MBD5: variants seen among roughly 807,000 people sequenced by gnomAD.
MBD5 encodes the protein methyl-CpG binding domain protein 5, also known as methyl-CpG-binding domain protein 5.
A neutral mutation model predicts 117.3 loss-of-function variants in MBD5; 13 were observed. The observed-to-expected ratio is 0.11, with a 90% confidence interval of 0.07 to 0.18. The LOEUF (loss-of-function observed/expected upper bound fraction) is 0.18, where lower values mean the gene tolerates loss of function less well. Among genes scored for constraint, MBD5 ranks in the 10% least tolerant of loss-of-function variants. The pLI is 1.00. For synonymous variants in MBD5, 727 were observed against 766.4 expected (o/e 0.95, Z 0.85); for missense variants, 1,879 against 2,093.8 (o/e 0.90, Z 2.00).
intron 4 of MBD5, among the ~76,000 whole-genome samples, chr2:148,433,510 T>C (rs956585735): frequency 6.6e-6 from 1 of 152,182 alleles, no homozygotes; most frequent in South Asian, 2.1e-4. Flanking sequence ...TCTTATTACT[T>C]TGAAGTATGT....
intron 3 of MBD5, among the ~76,000 whole-genome samples, chr2:148,292,862 C>A (rs781175838): frequency 2.0e-5 from 3 of 150,924 alleles, no homozygotes; most frequent in Non-Finnish European, 4.4e-5. Context: ...AAATGTGGTA[C>A]CTATACACAA....
At chr2:148,446,757 G>C (rs1706545558) in intron 4 of MBD5, among the ~76,000 whole-genome samples, 1 of 152,010 alleles carries the variant, frequency 6.6e-6, no homozygotes, top group Admixed American at 6.6e-5. Context: ...AAATAAGTTA[G>C]AGTGTTTCAA....
In MBD5 at chr2:148,021,222, G is replaced by A. The variant is rs535954547; in HGVS notation, c.-1387G>A. ...TACCCCACTTCAACCTTGAATTCAG[G>A]GGGGTGGGGGGAAGGCGGCTGAGTT... is the stretch of plus-strand genomic sequence containing the variant. On this transcript the variant is annotated 5_prime_UTR_variant, in exon 1 of 14. Coordinates refer to ENST00000642680, the MANE Select transcript of MBD5 (RefSeq NM_001378120.1). The A allele has an allele frequency of 1.2e-5, 3 of 258,832 alleles. No individual in the cohort carries two copies. In the South Asian group the frequency reaches 1.2e-4, roughly 10 times the overall value. The allele number at this position is 258,832 out of a possible 1,614,324, so 16.0% of individuals were successfully genotyped here.
At chr2:148,353,117 G>A (rs552179232) in intron 4 of MBD5, among the ~76,000 whole-genome samples, 74 of 152,128 alleles carry the variant, frequency 4.9e-4, no homozygotes, top group African/African-American at 1.5e-3. Flanking sequence ...TATTACTTTA[G>A]TAAAAAAGGG....
At chr2:148,075,871 ATATAAT>A (rs1168752929) in intron 1 of MBD5, among the ~76,000 whole-genome samples, 1 of 152,180 alleles carries the variant, frequency 6.6e-6, no homozygotes, top group Admixed American at 6.5e-5. Flanking sequence ...ATGGGCTTAA[ATATAAT>A]TAAAATTCCA....
At chr2:148,214,461 T>C (rs558546584) in intron 2 of MBD5, among the ~76,000 whole-genome samples, 57 of 152,362 alleles carry the variant, frequency 3.7e-4, no homozygotes, top group African/African-American at 1.3e-3. Flanking sequence ...ACTTACTCCA[T>C]GGGCTGAAGT....
chr2:148,355,856 T>C (rs1703368375), intron 4 of MBD5, among the ~76,000 whole-genome samples: 1 of 152,168 alleles, frequency 6.6e-6, no homozygotes, highest in Admixed American at 6.5e-5. Flanking sequence ...ATTTGAATAG[T>C]ATTGAATCTA....
intron 4 of MBD5, among the ~76,000 whole-genome samples, chr2:148,357,639 C>A (rs1342198505): frequency 6.6e-6 from 1 of 151,104 alleles, no homozygotes; most frequent in Non-Finnish European, 1.5e-5. Flanking sequence ...CCTTTTTTTT[C>A]TTGTTCTTTC....
intron 3 of MBD5, among the ~76,000 whole-genome samples, chr2:148,254,673 G>T (rs898313963): frequency 6.6e-6 from 1 of 152,150 alleles, no homozygotes; most frequent in Non-Finnish European, 1.5e-5. Flanking sequence ...TCCTAAGGGG[G>T]CACAAAATCC....
At chr2:148,511,762 G>A (rs772790281) in intron 13 of MBD5, among the ~76,000 whole-genome samples, 22 of 152,248 alleles carry the variant, frequency 1.4e-4, no homozygotes, top group Non-Finnish European at 2.8e-4. Context: ...TAAAAAATGT[G>A]TATGGAGAAG....
intron 3 of MBD5, among the ~76,000 whole-genome samples, chr2:148,328,838 G>C (rs1702550547): frequency 6.6e-6 from 1 of 152,170 alleles, no homozygotes; most frequent in African/African-American, 2.4e-5. Flanking sequence ...GACCGGAGCT[G>C]TTCCTATTCG....
chr2:148,467,829 T>G (rs1020518709), intron 7 of MBD5, among the ~76,000 whole-genome samples: 3 of 152,152 alleles, frequency 2.0e-5, no homozygotes, highest in Admixed American at 2.0e-4. Flanking sequence ...TAACAAACAT[T>G]TTGTTATAAG....
chr2:148,247,927 T>C (rs75661741), intron 3 of MBD5, among the ~76,000 whole-genome samples: 19,289 of 152,124 alleles, frequency 0.13, 1,479 homozygotes, highest in Non-Finnish European at 0.18. Context: ...CAATGTGAAA[T>C]ATAAAAATAG....
intron 8 of MBD5, among the ~76,000 whole-genome samples, chr2:148,476,295 A>G (rs1370975248): frequency 2.6e-5 from 4 of 152,224 alleles, no homozygotes; most frequent in Non-Finnish European, 5.9e-5. Flanking sequence ...AGTATTTTTC[A>G]GCTTTTTAAA....
At chr2:148,151,420 C>G (rs1697662252) in intron 1 of MBD5, among the ~76,000 whole-genome samples, 1 of 152,204 alleles carries the variant, frequency 6.6e-6, no homozygotes, top group Non-Finnish European at 1.5e-5. Context: ...GGTTGTGTCT[C>G]TACCCAGCTT....
intron 3 of MBD5, among the ~76,000 whole-genome samples, chr2:148,297,959 C>A (rs562728188): frequency 4.6e-5 from 7 of 152,322 alleles, no homozygotes; most frequent in African/African-American, 1.4e-4. Context: ...AATCTTGGAA[C>A]TACTAGCCTG....
At chr2:148,293,082 G>T (rs1055356991) in intron 3 of MBD5, among the ~76,000 whole-genome samples, 2 of 150,202 alleles carry the variant, frequency 1.3e-5, no homozygotes, top group Non-Finnish European at 3.0e-5. Flanking sequence ...AGAAGCCAAG[G>T]TCAGGTGGAT....
intron 4 of MBD5, among the ~76,000 whole-genome samples, chr2:148,401,205 G>T (rs994498384): frequency 1.3e-5 from 2 of 152,100 alleles, no homozygotes; most frequent in South Asian, 2.1e-4. Context: ...TGTTCTTGAT[G>T]AAGCCAAGCT....
At chr2:148,319,401 T>C (rs939839981) in intron 3 of MBD5, among the ~76,000 whole-genome samples, 2 of 152,206 alleles carry the variant, frequency 1.3e-5, no homozygotes, top group Non-Finnish European at 2.9e-5. Flanking sequence ...AGGATGTTTT[T>C]CCATTTGTTT....
Sources: allele counts gnomAD v4.1 joint callset (sites outside exome capture counted in the v4.1 genomes callset), GRCh38; gene constraint gnomAD v4.1.1; transcripts MANE v1.5; gene names NCBI Gene and HGNC (gene_info 2026-07-23, HGNC 2026-07-21).